The following ANXA8 variants were observed in gnomAD, a reference collection of about 807,000 sequenced individuals.
ANXA8 encodes annexin A8.
In ANXA8, 9 loss-of-function variants were observed where a neutral mutation model predicts 26.8. The ratio of observed to expected loss-of-function variants is 0.34; its 90% CI spans 0.20 to 0.59. The LOEUF (loss-of-function observed/expected upper bound fraction) is 0.59. ANXA8 is among the 20% of genes least tolerant of loss of function. The pLI, the probability that ANXA8 is intolerant of heterozygous loss-of-function variation, is 0.84. For missense variants in ANXA8, 83 were observed against 238.5 expected (o/e 0.35, Z 4.29); for synonymous variants, 39 against 94.8 (o/e 0.41, Z 3.42).
the ANXA8 span, among the ~76,000 whole-genome samples, chr10:47,617,731 C>T: frequency 6.7e-5 from 10 of 148,466 alleles, 1 homozygote; most frequent in African/African-American, 2.1e-4. Flanking sequence ...AAATTAATAA[C>T]TTTGCTACTG....
chr10:47,646,158 C>A, the ANXA8 span, among the ~76,000 whole-genome samples: 8 of 147,590 alleles, frequency 5.4e-5, no homozygotes, highest in Non-Finnish European at 1.0e-4. Context: ...ACCTCTATGT[C>A]TACATCTGTC....
the ANXA8 span, chr10:47,599,945 G>T: frequency 6.7e-6 from 1 of 149,992 alleles, no homozygotes; most frequent in Admixed American, 6.6e-5. Context: ...CCCTTGCCTG[G>T]CAGGGGACAC....
the ANXA8 span, among the ~76,000 whole-genome samples, chr10:47,498,083 G>A: frequency 6.7e-6 from 1 of 150,220 alleles, no homozygotes; most frequent in Non-Finnish European, 1.5e-5. Flanking sequence ...ACATTGCCAT[G>A]CAACCAATCT....
chr10:47,670,209 C>T, the ANXA8 span, among the ~76,000 whole-genome samples: 1 of 151,668 alleles, frequency 6.6e-6, no homozygotes, highest in Non-Finnish European at 1.5e-5. Flanking sequence ...TTTTATGGCT[C>T]AATAATTTTC....
chr10:47,510,939 T>TTAATTA, the ANXA8 span, among the ~76,000 whole-genome samples: 1 of 114,718 alleles, frequency 8.7e-6, no homozygotes, highest in Non-Finnish European at 1.8e-5. Context: ...TTAATTAATT[T>TTAATTA]ATTTATTTAT....
chr10:47,543,703 C>T, the ANXA8 span: 1 of 673,456 alleles, frequency 1.5e-6, no homozygotes, highest in Non-Finnish European at 2.3e-6. Flanking sequence ...AAACGAATGC[C>T]AAAGTTCCTA....
the ANXA8 span, among the ~76,000 whole-genome samples, chr10:47,665,119 G>T: frequency 3.4e-5 from 5 of 148,938 alleles, no homozygotes; most frequent in Non-Finnish European, 5.9e-5. Flanking sequence ...TATTAAGTTT[G>T]CAGTTGATAA....
intron 11 of ANXA8, among the ~76,000 whole-genome samples, chr10:47,469,854 G>A (rs1293502571): frequency 2.6e-5 from 4 of 151,024 alleles, no homozygotes; most frequent in Admixed American, 2.6e-4. Flanking sequence ...ATCTCATTAC[G>A]GGTTTCAAAC....
At chr10:47,564,585 T>C in the ANXA8 span, 2 of 440,304 alleles carry the variant, frequency 4.5e-6, 1 homozygote, top group African/African-American at 9.9e-5. Flanking sequence ...GATGGCTGCT[T>C]CCACAGCGTG....
At chr10:47,744,545 A>C in the ANXA8 span, among the ~76,000 whole-genome samples, 1 of 151,242 alleles carries the variant, frequency 6.6e-6, no homozygotes, top group East Asian at 2.0e-4. Flanking sequence ...TTTGAGAAAC[A>C]TACCTCTTGA....
At chr10:47,562,058 G>T in the ANXA8 span, among the ~76,000 whole-genome samples, 2 of 151,816 alleles carry the variant, frequency 1.3e-5, no homozygotes, top group African/African-American at 4.8e-5. Flanking sequence ...CACAATTTGA[G>T]AATCAATTAT....
chr10:47,675,862 G>T, the ANXA8 span, among the ~76,000 whole-genome samples: 4 of 151,790 alleles, frequency 2.6e-5, no homozygotes, highest in Non-Finnish European at 5.9e-5. Context: ...AATGATAAAG[G>T]TTAACAATAT....
the ANXA8 span, among the ~76,000 whole-genome samples, chr10:47,489,926 T>A: frequency 1.3e-5 from 2 of 150,516 alleles, no homozygotes; most frequent in African/African-American, 4.9e-5. Context: ...GCTGGCTTCA[T>A]TTGGAGACGC....
the ANXA8 span, among the ~76,000 whole-genome samples, chr10:47,525,486 C>A: frequency 7.3e-6 from 1 of 136,598 alleles, no homozygotes; most frequent in Non-Finnish European, 1.6e-5. Flanking sequence ...GGATAACTGC[C>A]CCTGTGATCC....
At chr10:47,694,385 C>T in the ANXA8 span, among the ~76,000 whole-genome samples, 112 of 147,648 alleles carry the variant, frequency 7.6e-4, no homozygotes, top group African/African-American at 2.6e-3. Context: ...TTCATACTAC[C>T]TATTGATATA....
upstream of ANXA8, among the ~76,000 whole-genome samples, chr10:47,485,590 T>A (rs1710464642): frequency 6.6e-6 from 1 of 151,998 alleles, no homozygotes; most frequent in Non-Finnish European, 1.5e-5. Context: ...ACACCTTTTT[T>A]TCTCATTTCT....
At chr10:47,652,302 T>TA in the ANXA8 span, among the ~76,000 whole-genome samples, 3 of 151,378 alleles carry the variant, frequency 2.0e-5, no homozygotes, top group Non-Finnish European at 2.9e-5. Flanking sequence ...TTATCTCAAT[T>TA]AAAAAAAAGT....
the ANXA8 span, among the ~76,000 whole-genome samples, chr10:47,587,458 T>G: frequency 1.3e-3 from 187 of 146,782 alleles, 28 homozygotes; most frequent in African/African-American, 5.1e-3. Context: ...GTAGTCACCC[T>G]GCATTGAGAA....
At chr10:47,647,655 T>C in the ANXA8 span, among the ~76,000 whole-genome samples, 1 of 149,324 alleles carries the variant, frequency 6.7e-6, no homozygotes, top group African/African-American at 2.6e-5. Flanking sequence ...GTTTTGTATA[T>C]AAAAAACTAA....
Sources: gnomAD v4.1 joint callset for allele counts (sites outside exome capture counted in the v4.1 genomes callset) on GRCh38, gnomAD v4.1.1 for gene constraint, MANE v1.5 for transcripts, NCBI Gene and HGNC (gene_info 2026-07-23, HGNC 2026-07-21) for gene names.